CTNNBL1: variants seen among roughly 807,000 people sequenced by gnomAD.
CTNNBL1 encodes the protein catenin beta like 1, also known as beta-catenin-like protein 1.
In CTNNBL1, 31 loss-of-function variants were observed where a neutral mutation model predicts 72.7. The ratio of observed to expected loss-of-function variants is 0.43; its 90% CI spans 0.32 to 0.58. The LOEUF (loss-of-function observed/expected upper bound fraction) is 0.58, where lower values mean the gene tolerates loss of function less well. CTNNBL1 is among the 20% of genes least tolerant of loss of function. The pLI is 0.08. For synonymous variants in CTNNBL1, 240 were observed against 267.3 expected (o/e 0.90, Z 1.00); for missense variants, 534 against 725.1 (o/e 0.74, Z 3.03).
intron 15 of CTNNBL1, among the ~76,000 whole-genome samples, chr20:37,867,960 G>A (rs1199809966): frequency 2.0e-5 from 3 of 152,184 alleles, no homozygotes; most frequent in East Asian, 3.9e-4. Flanking sequence ...GTACTAGGCC[G>A]GGTCGTCGGA....
chr20:37,830,780 A>G (rs1272915788), intron 11 of CTNNBL1, among the ~76,000 whole-genome samples: 1 of 152,184 alleles, frequency 6.6e-6, no homozygotes, highest in East Asian at 1.9e-4. Flanking sequence ...ACATTAGCCT[A>G]CAGCTGGGCA....
At chr20:37,792,784 A>G (rs1013149563) in intron 10 of CTNNBL1, among the ~76,000 whole-genome samples, 2 of 152,238 alleles carry the variant, frequency 1.3e-5, no homozygotes, top group African/African-American at 4.8e-5. Flanking sequence ...GTTTACTGCT[A>G]TAAATTTCCC....
At chr20:37,715,335 A>T (rs2072976764) in intron 1 of CTNNBL1, among the ~76,000 whole-genome samples, 1 of 152,192 alleles carries the variant, frequency 6.6e-6, no homozygotes, top group Non-Finnish European at 1.5e-5. Flanking sequence ...AGAAATGAAG[A>T]ATGGTATCAC....
At chr20:37,830,617 A>G (rs1269559702) in intron 11 of CTNNBL1, among the ~76,000 whole-genome samples, 1 of 152,140 alleles carries the variant, frequency 6.6e-6, no homozygotes, top group Non-Finnish European at 1.5e-5. Context: ...GTTAATATAC[A>G]TAGGACTCAT....
chr20:37,860,397 C>T (rs376224248), intron 15 of CTNNBL1, 53 bp downstream of exon 15: 1 of 1,356,346 alleles, frequency 7.4e-7, no homozygotes, highest in Non-Finnish European at 1.1e-6. Context: ...ATGATGCTTA[C>T]TTTCTGAGCC....
chr20:37,790,306 G>A, intron 10 of CTNNBL1, among the ~76,000 whole-genome samples: 4 of 152,188 alleles, frequency 2.6e-5, no homozygotes, highest in Middle Eastern at 6.8e-3. Context: ...CAAACAATAT[G>A]GCATTTTATT....
intron 1 of CTNNBL1, among the ~76,000 whole-genome samples, chr20:37,724,756 C>T (rs1192550580): frequency 6.6e-6 from 1 of 151,994 alleles, no homozygotes; most frequent in Non-Finnish European, 1.5e-5. Flanking sequence ...TCTCTGTCTC[C>T]CCTCTCTTTA....
chr20:37,841,413 G>GT (rs1274496456), intron 12 of CTNNBL1, among the ~76,000 whole-genome samples: 4 of 152,132 alleles, frequency 2.6e-5, no homozygotes, highest in African/African-American at 7.2e-5. Flanking sequence ...ACCTTGTCAG[G>GT]TTTTTTTTAA....
Position 37,819,914 on chromosome 20 carries a change from G to A in CTNNBL1, c.1213+16866G>A, listed in dbSNP as rs999271174. Among the ~76,000 whole-genome samples, 14 of 132,610 alleles carry A rather than the reference G, an allele frequency of 1.1e-4. No homozygotes were observed. The East Asian group carries it at 2.8e-3, about 27-fold the overall frequency. 87.0% of individuals were successfully genotyped at this position (132,610 alleles called of 152,430 possible). A position where few individuals can be genotyped will look rare whatever the true frequency, so the allele number is the denominator to read the frequency against. ...TTTTGAGACACAGTTTCGCTCTGTC[G>A]CCCAGGCTGGAGTGCACTGGCATGA... On this transcript the variant is annotated intron_variant, in intron 11 of 15. Transcript: ENST00000361383.
chr20:37,866,406 C>T (rs974521775), intron 15 of CTNNBL1, among the ~76,000 whole-genome samples: 2 of 152,318 alleles, frequency 1.3e-5, no homozygotes, highest in African/African-American at 4.8e-5. Flanking sequence ...AGCTCTGTCG[C>T]TTTCTAGTGT....
intron 7 of CTNNBL1, among the ~76,000 whole-genome samples, chr20:37,772,693 G>A (rs1030737138): frequency 6.6e-6 from 1 of 152,174 alleles, no homozygotes; most frequent in Non-Finnish European, 1.5e-5. Context: ...GATGTAAGCT[G>A]AAGTCTGAGA....
chr20:37,796,489 A>ATTTGTTTGTTTTTT, intron 10 of CTNNBL1, among the ~76,000 whole-genome samples: 1 of 151,402 alleles, frequency 6.6e-6, no homozygotes. Flanking sequence ...GGAGGGTGTA[A>ATTTGTTTGTTTTTT]ATCCAGTCCT....
chr20:37,769,184 C>T (rs2073500491), intron 7 of CTNNBL1, among the ~76,000 whole-genome samples: 2 of 152,174 alleles, frequency 1.3e-5, no homozygotes, highest in African/African-American at 4.8e-5. Context: ...ATCCTATCCC[C>T]CACAGATAAG....
At chr20:37,761,788 G>A (rs968129756) in intron 5 of CTNNBL1, among the ~76,000 whole-genome samples, 1 of 152,240 alleles carries the variant, frequency 6.6e-6, no homozygotes, top group African/African-American at 2.4e-5. Flanking sequence ...AGTCAGGTTG[G>A]ATTAAATAGT....
At chr20:37,766,948 G>A (rs570842545) in intron 6 of CTNNBL1, among the ~76,000 whole-genome samples, 18 of 152,286 alleles carry the variant, frequency 1.2e-4, no homozygotes, top group Middle Eastern at 3.4e-3. Context: ...TCAGGGTGTC[G>A]TAGTGCTCTT....
intron 11 of CTNNBL1, among the ~76,000 whole-genome samples, chr20:37,807,349 C>T (rs1008247668): frequency 5.9e-5 from 9 of 152,190 alleles, no homozygotes; most frequent in African/African-American, 1.7e-4. Flanking sequence ...TTTAGTCACA[C>T]ATACCCATGG....
intron 1 of CTNNBL1, 48 bp downstream of exon 1, chr20:37,694,200 G>T: frequency 6.5e-7 from 1 of 1,534,238 alleles, no homozygotes; most frequent in East Asian, 2.5e-5. Context: ...ACCTGGGCAG[G>T]GGTCGCAGGA....
chr20:37,843,174 A>G (rs1174258423), intron 13 of CTNNBL1, among the ~76,000 whole-genome samples: 1 of 152,160 alleles, frequency 6.6e-6, no homozygotes, highest in African/African-American at 2.4e-5. Context: ...CCCCTACAAG[A>G]CACTTCTCAA....
intron 1 of CTNNBL1, among the ~76,000 whole-genome samples, chr20:37,711,888 C>T (rs749384499): frequency 2.0e-5 from 3 of 152,040 alleles, no homozygotes; most frequent in African/African-American, 4.8e-5. Flanking sequence ...GGGTCAGCTT[C>T]GGGGAGGAGG....
Sources: gnomAD v4.1 joint callset for allele counts (sites outside exome capture counted in the v4.1 genomes callset) on GRCh38, gnomAD v4.1.1 for gene constraint, MANE v1.5 for transcripts, NCBI Gene and HGNC (gene_info 2026-07-23, HGNC 2026-07-21) for gene names.